Variants in ZFHX3 observed in about 807,000 individuals in gnomAD.
ZFHX3 encodes the protein zinc finger homeobox 3.
ZFHX3 carries 42 observed loss-of-function variants against 279.1 expected under a neutral mutation model. That is an observed-to-expected ratio of 0.15 (90% confidence interval 0.12 to 0.19). The LOEUF (loss-of-function observed/expected upper bound fraction) is 0.19, where lower values mean the gene tolerates loss of function less well. ZFHX3 is among the 10% of genes least tolerant of loss of function. The probability of loss-of-function intolerance (pLI) is 1.00; values close to 1 mark genes in which losing one functional copy is unlikely to be tolerated. For synonymous variants in ZFHX3, 2,293 were observed against 1,957.8 expected (o/e 1.17, Z -4.52); for missense variants, 4,981 against 4,754.0 (o/e 1.05, Z -1.40).
At chr16:73,374,104 G>T (rs2016680682) in intron 3 of ZFHX3, among the ~76,000 whole-genome samples, 1 of 152,168 alleles carries the variant, frequency 6.6e-6, no homozygotes, top group African/African-American at 2.4e-5. Context: ...CGACGCAGAG[G>T]CAAGAAAAGC....
chr16:73,279,666 T>G (rs150825645), intron 4 of ZFHX3, among the ~76,000 whole-genome samples: 18 of 152,220 alleles, frequency 1.2e-4, no homozygotes, highest in Non-Finnish European at 2.5e-4. Flanking sequence ...TTCTTTGTAC[T>G]TAGAAGCTTG....
chr16:73,603,129 C>CA (rs1366042523), intron 2 of ZFHX3, among the ~76,000 whole-genome samples: 62 of 151,532 alleles, frequency 4.1e-4, no homozygotes, highest in African/African-American at 1.3e-3. Flanking sequence ...CTAAAAAATA[C>CA]AAAAAATTAG....
upstream of ZFHX3, among the ~76,000 whole-genome samples, chr16:73,050,712 C>A (rs1310512386): frequency 1.3e-5 from 2 of 151,978 alleles, no homozygotes; most frequent in East Asian, 3.9e-4. Context: ...ATGGCCTACC[C>A]AGCAGTGACA....
intron 1 of ZFHX3, among the ~76,000 whole-genome samples, chr16:73,720,790 T>C (rs370318537): frequency 1.3e-5 from 2 of 152,222 alleles, no homozygotes; most frequent in East Asian, 3.8e-4. Flanking sequence ...TACTGATAAT[T>C]ATTAATACTG....
intron 4 of ZFHX3, among the ~76,000 whole-genome samples, chr16:72,844,824 C>T (rs950926527): frequency 5.3e-5 from 8 of 152,256 alleles, no homozygotes; most frequent in Admixed American, 3.9e-4. Flanking sequence ...GGCTCTGTGT[C>T]GAATGAGAGG....
chr16:73,394,162 C>T (rs1555513588), intron 3 of ZFHX3, among the ~76,000 whole-genome samples: 1 of 150,542 alleles, frequency 6.6e-6, no homozygotes, highest in Non-Finnish European at 1.5e-5. Flanking sequence ...TCTCTGTTGG[C>T]TGTCTCAACC....
At chr16:73,742,739 C>A (rs1170719113) in intron 1 of ZFHX3, among the ~76,000 whole-genome samples, 1 of 152,180 alleles carries the variant, frequency 6.6e-6, no homozygotes, top group African/African-American at 2.4e-5. Context: ...AATCAGGGTT[C>A]CCCTTTTTTC....
At chr16:73,477,440 A>G (rs9923613) in intron 2 of ZFHX3, among the ~76,000 whole-genome samples, 45,922 of 152,184 alleles carry the variant, frequency 0.3, 7,474 homozygotes, top group African/African-American at 0.4. Flanking sequence ...CCAAATAATA[A>G]AATCAATAGT....
intron 2 of ZFHX3, among the ~76,000 whole-genome samples, chr16:73,587,192 T>C (rs2051936441): frequency 6.6e-6 from 1 of 152,192 alleles, no homozygotes; most frequent in South Asian, 2.1e-4. Flanking sequence ...TGATAGAAGC[T>C]ATTTCACAAA....
chr16:73,239,238 A>T (rs1001356338), intron 5 of ZFHX3, among the ~76,000 whole-genome samples: 1 of 152,236 alleles, frequency 6.6e-6, no homozygotes, highest in African/African-American at 2.4e-5. Context: ...CCCATAGAGA[A>T]AAAAGGATTT....
chr16:73,733,100 G>T (rs2053582644), intron 1 of ZFHX3, among the ~76,000 whole-genome samples: 1 of 35,006 alleles, frequency 2.9e-5, no homozygotes, highest in African/African-American at 4.8e-5. Flanking sequence ...AATAAGCATT[G>T]AAATAAAATT....
chr16:73,868,260 C>T (rs768785695), intron 1 of ZFHX3, among the ~76,000 whole-genome samples: 5 of 152,214 alleles, frequency 3.3e-5, no homozygotes, highest in African/African-American at 7.2e-5. Context: ...GGGTGGCTCA[C>T]GCCTGTAATC....
chr16:73,785,467 G>A (rs1959613764), intron 1 of ZFHX3, among the ~76,000 whole-genome samples: 1 of 139,808 alleles, frequency 7.2e-6, no homozygotes, highest in Non-Finnish European at 1.7e-5. Flanking sequence ...AAATTAGATT[G>A]GGTTTCTAAA....
intron 1 of ZFHX3, among the ~76,000 whole-genome samples, chr16:72,979,091 C>A (rs1962480705): frequency 6.6e-6 from 1 of 152,190 alleles, no homozygotes; most frequent in Non-Finnish European, 1.5e-5. Context: ...AACAGGAGAG[C>A]TCACACCTGA....
chr16:73,809,978 A>T (rs55827789), intron 1 of ZFHX3, among the ~76,000 whole-genome samples: 13,036 of 152,182 alleles, frequency 0.086, 1,861 homozygotes, highest in African/African-American at 0.3. Flanking sequence ...TGCACTCCAC[A>T]CATTGCGGTG....
intron 1 of ZFHX3, chr16:73,815,669 C>T (rs1338991092): frequency 6.6e-6 from 1 of 151,998 alleles, no homozygotes; most frequent in Non-Finnish European, 1.5e-5. Flanking sequence ...TCAAGCAATT[C>T]TCCTGCCTCA....
intron 1 of ZFHX3, among the ~76,000 whole-genome samples, chr16:73,716,650 C>A (rs4888650): frequency 0.012 from 125 of 10,102 alleles, no homozygotes; most frequent in Middle Eastern, 0.12. Context: ...CACACACACA[C>A]GCATGCACGC....
intron 3 of ZFHX3, among the ~76,000 whole-genome samples, chr16:73,409,420 T>C (rs2017423741): frequency 6.6e-6 from 1 of 152,150 alleles, no homozygotes; most frequent in Non-Finnish European, 1.5e-5. Flanking sequence ...TTAAGAACTG[T>C]TTTCATGCCC....
intron 1 of ZFHX3, among the ~76,000 whole-genome samples, chr16:73,805,653 A>G (rs182910091): frequency 3.2e-3 from 491 of 152,364 alleles, no homozygotes; most frequent in African/African-American, 0.011. Context: ...TTAAGCACCA[A>G]TGATGTACAG....
Sources: allele counts gnomAD v4.1 joint callset (sites outside exome capture counted in the v4.1 genomes callset), GRCh38; gene constraint gnomAD v4.1.1; transcripts MANE v1.5; gene names NCBI Gene and HGNC (gene_info 2026-07-23, HGNC 2026-07-21).